Variants in SNX32 observed in about 807,000 individuals in gnomAD.
The protein encoded by SNX32 is sorting nexin-32.
SNX32 carries 58 observed loss-of-function variants against 57.0 expected under a neutral mutation model. The observed-to-expected ratio is 1.02, with a 90% CI of 0.82 to 1.27. SNX32 has a LOEUF of 1.27. SNX32 is among the 50% of genes most tolerant of loss of function. The probability of loss-of-function intolerance (pLI) is 0.00; values close to 1 mark genes in which losing one functional copy is unlikely to be tolerated. For missense variants in SNX32, 589 were observed against 541.2 expected (o/e 1.09, Z -0.88); for synonymous variants, 262 against 220.4 (o/e 1.19, Z -1.67).
chr11:65,849,980 A>C lies in SNX32; in HGVS notation c.202A>C (p.Ile68Leu). 1 of 1,611,232 alleles carries C rather than the reference A, an allele frequency of 6.2e-7. No homozygotes were observed. The highest frequency in any genetic ancestry group is 8.5e-7 in the Non-Finnish European group (1 of 1,177,818). Reference sequence around the variant, plus strand: ...AGTCGTGCGGCAGCACGAGGAGTTCATCTGGCTGCATGATGCCTACGTGGA... The same window carrying C: ...AGTCGTGCGGCAGCACGAGGAGTTCCTCTGGCTGCATGATGCCTACGTGGA... ...FSVVRQHEEF[I>L]WLHDAYVENE... The change falls in exon 3 of 13, where the codon ATC (isoleucine) becomes CTC (leucine). Residue 68 changes from isoleucine (I) to leucine (L), a missense_variant. Ile to Leu is a conservative substitution (Grantham distance 5, BLOSUM62 2). Transcript: ENST00000308342.
At chr11:65,853,228 T>C (rs1373996826) in intron 12 of SNX32, 54 bp from the exon 13 acceptor site, 1 of 1,612,676 alleles carries the variant, frequency 6.2e-7, no homozygotes, top group Non-Finnish European at 8.5e-7. Flanking sequence ...GCAGAAAGAA[T>C]GGCAGCCTGA....
chr11:65,838,524 C>G (rs1233386784), intron 1 of SNX32, among the ~76,000 whole-genome samples: 1 of 152,084 alleles, frequency 6.6e-6, no homozygotes, highest in Non-Finnish European at 1.5e-5. Flanking sequence ...CATGCCCAGA[C>G]CAGTTAGAAA....
chr11:65,851,031 T>C (rs1476994843), intron 6 of SNX32, 24 bp from the exon 7 acceptor site: 1 of 1,600,120 alleles, frequency 6.2e-7, no homozygotes. Context: ...CCAGTGTAAA[T>C]GGGGTCCTGC....
rs778305756 is a variant in SNX32, at chr11:65,849,973, G to A, written c.195G>A (p.Glu65=). Residue 65 remains glutamate, a synonymous_variant, in exon 3 of 13, where the codon GAG becomes GAA. Transcript: ENST00000308342. ...QTEFSVVRQH[E]EFIWLHDAYV... is the part of the protein sequence containing the mutation. Reference sequence around the variant, plus strand: ...AGTTCTCAGTCGTGCGGCAGCACGAGGAGTTCATCTGGCTGCATGATGCCT... The same window carrying A: ...AGTTCTCAGTCGTGCGGCAGCACGAAGAGTTCATCTGGCTGCATGATGCCT... 1.2e-6 allele frequency: 2 copies of A among 1,608,368 alleles called. No homozygotes were observed. The highest frequency in any genetic ancestry group is 2.7e-5 in the African/African-American group (2 of 74,824).
At chr11:65,840,499 T>C (rs1410185274) in intron 1 of SNX32, among the ~76,000 whole-genome samples, 1 of 152,236 alleles carries the variant, frequency 6.6e-6, no homozygotes, top group South Asian at 2.1e-4. Flanking sequence ...TAGGACTGTA[T>C]ATGCAGGAAA....
rs1250195369 is a variant in SNX32 at position 65,842,795 on chromosome 11, C to CA, written c.37-6678dup. Among the ~76,000 whole-genome samples, 98 of 148,820 alleles carry CA rather than the reference C, an allele frequency of 6.6e-4. No individual in the cohort carries two copies. The East Asian group carries it at 0.017, about 26-fold the overall frequency. On this transcript the variant is annotated intron_variant, in intron 1 of 12. Transcript: ENST00000308342. ...TGAAACCCCGTCTCTACTAAAAATA[C>CA]AAAAATGAGCTGGGTGTGGTGGTGG...
At chr11:65,851,741 T>C (rs1306958780) in intron 9 of SNX32, 62 bp downstream of exon 9, 2 of 1,566,848 alleles carry the variant, frequency 1.3e-6, no homozygotes, top group Non-Finnish European at 8.8e-7. Context: ...AGATGAGTCC[T>C]GGCAGAGGGA....
intron 6 of SNX32, 74 bp from the exon 7 acceptor site, chr11:65,850,981 G>C: frequency 6.6e-7 from 1 of 1,520,162 alleles, no homozygotes; most frequent in South Asian, 1.1e-5. Context: ...AGGAGATTTT[G>C]CCAACCCTGG....
intron 1 of SNX32, among the ~76,000 whole-genome samples, chr11:65,840,679 C>CT (rs1858816310): frequency 6.6e-6 from 1 of 152,020 alleles, no homozygotes; most frequent in Non-Finnish European, 1.5e-5. Flanking sequence ...TGGCAGATGC[C>CT]TGTAGTCCCA....
In SNX32 at chr11:65,852,960, T is replaced by A; in HGVS notation, c.1158+2T>A. ...GAGCTGGAGCTCAAACACGCCAAGGTGAGCCCTCCCACCTCACTGGGCCCT... is the reference window on the plus strand; with the variant it reads ...GAGCTGGAGCTCAAACACGCCAAGGAGAGCCCTCCCACCTCACTGGGCCCT... On this transcript the variant is annotated splice_donor_variant, in intron 12 of 12. Coordinates refer to ENST00000308342, the MANE Select transcript of SNX32 (RefSeq NM_152760.3). LOFTEE classifies it high-confidence loss of function. 1 of 1,613,994 alleles carries A rather than the reference T, an allele frequency of 6.2e-7. No individual in the cohort carries two copies.
chr11:65,836,720 C>T (rs1415788954), intron 1 of SNX32, among the ~76,000 whole-genome samples: 1 of 152,004 alleles, frequency 6.6e-6, no homozygotes, highest in Non-Finnish European at 1.5e-5. Context: ...TATTATGTAG[C>T]CATAAAAAAG....
Position 65,850,161 on chromosome 11 carries a change from C to A in SNX32, c.264C>A (p.Ala88=), listed in dbSNP as rs1377794776. Residue 88 remains alanine (A), a synonymous_variant, in exon 4 of 13, where the codon GCC becomes GCA. Transcript: ENST00000308342. Reference sequence around the variant, plus strand: ...CCTCCTTTGAGCAGATCCCCCCAGCCCCTCCGAGGCCAGACTTTGAGGCTT... The same window carrying A: ...CCTCCTTTGAGCAGATCCCCCCAGCACCTCCGAGGCCAGACTTTGAGGCTT... The part of the protein sequence containing the change: ...EEYAGLIIPP[A]PPRPDFEASR... 4 of 1,614,144 alleles carry A rather than the reference C, an allele frequency of 2.5e-6. No homozygotes were observed. The highest frequency in any genetic ancestry group is 1.7e-5 in the Admixed American group (1 of 60,010).
At chr11:65,835,980 T>A (rs921764099) in intron 1 of SNX32, among the ~76,000 whole-genome samples, 1 of 151,994 alleles carries the variant, frequency 6.6e-6, no homozygotes, top group Non-Finnish European at 1.5e-5. Context: ...ATGGTTAGAG[T>A]GGTGCCTAGC....
chr11:65,851,208 C>G, intron 7 of SNX32, 48 bp downstream of exon 7: 1 of 1,595,078 alleles, frequency 6.3e-7, no homozygotes, highest in South Asian at 1.1e-5. Flanking sequence ...CTCTCCCCAG[C>G]GGTTCAACTC....
intron 9 of SNX32, 74 bp downstream of exon 9, chr11:65,851,753 G>C: frequency 1.3e-6 from 2 of 1,517,814 alleles, no homozygotes; most frequent in Middle Eastern, 1.7e-4. Flanking sequence ...GCAGAGGGAA[G>C]AGCTCCAGGA....
chr11:65,846,580 A>G (rs1859003063), intron 1 of SNX32, among the ~76,000 whole-genome samples: 1 of 150,784 alleles, frequency 6.6e-6, no homozygotes, highest in Admixed American at 6.6e-5. Context: ...AAAAAAAAAA[A>G]AGAATACGCC....
chr11:65,850,695 TG>T (rs1303265012), intron 5 of SNX32, 55 bp from the exon 6 acceptor site: 1 of 1,590,512 alleles, frequency 6.3e-7, no homozygotes. Flanking sequence ...GCTTGCAACT[TG>T]GGGTGGGAGG....
At chr11:65,852,596 C>T in intron 10 of SNX32, 34 bp from the exon 11 acceptor site, 1 of 1,613,774 alleles carries the variant, frequency 6.2e-7, no homozygotes, top group South Asian at 1.1e-5. Flanking sequence ...GATGCCAGGA[C>T]AGGGCAGCAG....
At chr11:65,851,496 T>C in intron 8 of SNX32, 93 bp downstream of exon 8, 1 of 1,526,472 alleles carries the variant, frequency 6.6e-7, no homozygotes. Flanking sequence ...CTGTCAGCTC[T>C]AGGTGGGAGG....
Sources: allele counts gnomAD v4.1 joint callset (sites outside exome capture counted in the v4.1 genomes callset), GRCh38; gene constraint gnomAD v4.1.1; transcripts MANE v1.5; gene names NCBI Gene and HGNC (gene_info 2026-07-23, HGNC 2026-07-21).